Variants in CDKN2A observed in about 807,000 individuals in gnomAD.
CDKN2A encodes the protein cyclin dependent kinase inhibitor 2A.
A neutral mutation model predicts 11.1 loss-of-function variants in CDKN2A; 3 were observed. That is an observed-to-expected ratio of 0.27 (90% CI 0.12 to 0.70). The LOEUF is 0.70. Among genes scored for constraint, CDKN2A ranks in the 30% least tolerant of loss-of-function variants. The probability of loss-of-function intolerance (pLI) is 0.77; values close to 1 mark genes in which losing one functional copy is unlikely to be tolerated. For missense variants in CDKN2A, 265 were observed against 233.6 expected, an observed-to-expected ratio of 1.13 and a Z score of -0.88; for synonymous variants, 122 against 108.1, an observed-to-expected ratio of 1.13 and a Z score of -0.80.
At chr9:21,978,605 T>C (rs111478976), upstream of CDKN2A, among the ~76,000 whole-genome samples, 3 of 152,374 alleles carry the variant, frequency 2.0e-5, no homozygotes, top group African/African-American at 7.2e-5. Context: ...CACTTACTTT[T>C]CCTCTTTCCT....
At chr9:21,986,296 T>C (rs948212494) in intron 2 of CDKN2A, among the ~76,000 whole-genome samples, 3 of 152,076 alleles carry the variant, frequency 2.0e-5, no homozygotes, top group African/African-American at 7.2e-5. Context: ...AAGTAATTTA[T>C]ATGTACAGTC....
At chr9:21,975,013 G>C (rs1020242225), upstream of CDKN2A, 5 of 1,385,544 alleles carry the variant, frequency 3.6e-6, no homozygotes, top group Admixed American at 1.8e-4. Flanking sequence ...CAGGCAAGGG[G>C]ACGCCGTGAG....
intron 1 of CDKN2A, chr9:21,994,327 A>G: frequency 6.2e-7 from 1 of 1,606,434 alleles, no homozygotes; most frequent in Non-Finnish European, 8.5e-7. Context: ...GAACCTGCGC[A>G]CCATGTTCTC....
intron 2 of CDKN2A, among the ~76,000 whole-genome samples, chr9:21,979,886 G>C (rs180936855): frequency 2.0e-5 from 3 of 152,166 alleles, no homozygotes; most frequent in Non-Finnish European, 4.4e-5. Flanking sequence ...TACTACTTCA[G>C]CAACCCTACA....
At chr9:21,983,032 C>T (rs1820229668) in intron 2 of CDKN2A, among the ~76,000 whole-genome samples, 1 of 152,114 alleles carries the variant, frequency 6.6e-6, no homozygotes, top group Admixed American at 6.5e-5. Flanking sequence ...GCTTCCTTTT[C>T]TTTGAGGACT....
At chr9:21,969,152 A>G (rs1294465442) in intron 2 of CDKN2A, among the ~76,000 whole-genome samples, 2 of 152,160 alleles carry the variant, frequency 1.3e-5, no homozygotes, top group Admixed American at 1.3e-4. Flanking sequence ...TGGGACTGTA[A>G]TCCCAGTACT....
chr9:21,979,640 G>T (rs1320999910), upstream of CDKN2A, among the ~76,000 whole-genome samples: 1 of 152,194 alleles, frequency 6.6e-6, no homozygotes, highest in East Asian at 1.9e-4. Context: ...TATGAATGAG[G>T]AGGTTAGCTT....
rs1385329602 is a variant in CDKN2A, at chr9:21,968,715, C to G, written c.458-473G>C. 3.3e-6 allele frequency: 5 copies of G among 1,536,054 alleles called. No individual in the cohort carries two copies. Among genetic ancestry groups the G allele is most frequent in the African/African-American group, 1.4e-5 (1 of 73,058 alleles). Reference sequence around the variant, plus strand: ...GCTCTGGCGCTCCTCGGCGGAATCCCGTAGCTTCCCTACGCATGCCTGCTT... The same window carrying G: ...GCTCTGGCGCTCCTCGGCGGAATCCGGTAGCTTCCCTACGCATGCCTGCTT... On this transcript the variant is annotated intron_variant, in intron 2 of 2. Coordinates refer to ENST00000304494, the MANE Select transcript of CDKN2A (RefSeq NM_000077.5). This position sits in a 1 kb window ranked among gnomAD's most constrained non-coding sequence, Gnocchi z 4.7.
At position 21,991,683 on chromosome 9, in the gene CDKN2A, T is replaced by C. The variant is rs1820433783; in HGVS notation, c.-4+2199A>G. On this transcript the variant is annotated intron_variant, in intron 2 of 3. Transcript: ENST00000494262. The surrounding 1 kb of genome is among the most constrained non-coding windows in gnomAD (Gnocchi z 5.2). ...ATGAACTAACGTGGAATAATAGATC[T>C]GTAAACCATCATAGACGGTAATAGG... is the stretch of plus-strand genomic sequence containing the variant. 7.1e-6 allele frequency: 7 copies of C among 984,168 alleles called. No individual in the cohort carries two copies. The highest frequency in any genetic ancestry group is 8.4e-6 in the Non-Finnish European group (7 of 828,768). 61.0% of individuals were successfully genotyped at this position (984,168 alleles called of 1,614,324 possible).
chr9:21,973,728 C>T (rs532781281), intron 1 of CDKN2A, among the ~76,000 whole-genome samples: 40 of 152,162 alleles, frequency 2.6e-4, no homozygotes, highest in Non-Finnish European at 5.0e-4. Context: ...AAAATGTTAG[C>T]AGATATTCCC....
intron 2 of CDKN2A, chr9:21,970,570 G>A (rs1321020166): frequency 1.1e-5 from 6 of 556,260 alleles, no homozygotes; most frequent in South Asian, 2.3e-5. Context: ...GGAGGAAGAG[G>A]GGGCACTAGA....
At chr9:21,980,883 C>T (rs1456370818) in intron 2 of CDKN2A, among the ~76,000 whole-genome samples, 2 of 144,580 alleles carry the variant, frequency 1.4e-5, no homozygotes, top group African/African-American at 2.6e-5. Context: ...GGCGTGAACC[C>T]GGGGGGCGGA....
At chr9:21,980,650 G>T (rs1820149868) in intron 2 of CDKN2A, among the ~76,000 whole-genome samples, 1 of 151,948 alleles carries the variant, frequency 6.6e-6, no homozygotes, top group Non-Finnish European at 1.5e-5. Flanking sequence ...GCATGTATTG[G>T]TAACAACCAT....
rs1203807228 is a variant in CDKN2A, at chr9:21,988,438, G to A, written c.-4+5444C>T. Among the ~76,000 whole-genome samples the A allele has an allele frequency of 6.6e-6, 1 of 151,768 alleles. No individual in the cohort carries two copies. Among genetic ancestry groups the A allele is most frequent in the Non-Finnish European group, 1.5e-5 (1 of 67,966 alleles). ...TCCCTTTTATTACTTCTTTTTGATT[G>A]TAGAGTTCTGCCCAAATGAAACCAT... On this transcript the variant is annotated intron_variant, in intron 2 of 3. Transcript: ENST00000494262. The surrounding 1 kb of genome is among the most constrained non-coding windows in gnomAD (Gnocchi z 4.1).
Position 21,968,388 on chromosome 9 carries a change from C to G in CDKN2A, c.458-146G>C. 1 of 1,514,038 alleles carries G rather than the reference C, an allele frequency of 6.6e-7. No homozygotes were observed. 93.8% of individuals were successfully genotyped at this position (1,514,038 alleles called of 1,614,324 possible). On this transcript the variant is annotated intron_variant, in intron 2 of 2. Coordinates refer to ENST00000304494, the MANE Select transcript of CDKN2A (RefSeq NM_000077.5). This position sits in a 1 kb window ranked among gnomAD's most constrained non-coding sequence, Gnocchi z 4.7. Reference sequence around the variant, plus strand: ...AATGGCTTCACGTGCATGTACCCGCCGCCACCGCTCTCCCACACCTCCCTG... The same window carrying G: ...AATGGCTTCACGTGCATGTACCCGCGGCCACCGCTCTCCCACACCTCCCTG...
Position 21,971,009 on chromosome 9 carries a change from A to T in CDKN2A, c.350T>A (p.Leu117Gln). The T allele has an allele frequency of 6.2e-7, 1 of 1,608,738 alleles. No homozygotes were observed. The highest frequency in any genetic ancestry group is 1.8e-4 in the Middle Eastern group (1 of 5,508). Residue 117 changes from leucine (L) to glutamine (Q), a missense_variant, in exon 2 of 3, where the codon CTG becomes CAG. Transcript: ENST00000304494. ...RDAWGRLPVD[L>Q]AEELGHRDVA... ...ATCGCGATGGCCCAGCTCCTCAGCC[A>T]GGTCCACGGGCAGACGGCCCCAGGC...
At position 21,994,197 on chromosome 9, in the gene CDKN2A, G is replaced by T. The variant is rs766676234; in HGVS notation, c.-175-144C>A. 5 of 1,606,520 alleles carry T rather than the reference G, an allele frequency of 3.1e-6. No individual in the cohort carries two copies. The highest frequency in any genetic ancestry group is 4.2e-6 in the Non-Finnish European group (5 of 1,179,882). ...GCTGGCTCCTCAGTAGCATCAGCAC[G>T]AGGGCCACAGCGGCGGGCGCCCCTG... On this transcript the variant is annotated intron_variant, in intron 1 of 3. Coordinates refer to the CDKN2A transcript ENST00000494262.
At position 21,993,813 on chromosome 9, in the gene CDKN2A, GT is replaced by G. The variant is rs1478432342; in HGVS notation, c.-4+68del. 2,251 of 435,304 alleles carry G rather than the reference GT, an allele frequency of 5.2e-3. 19 individuals carry two copies. Among genetic ancestry groups the G allele is most frequent in the Non-Finnish European group, 7.9e-3 (1,856 of 236,326 alleles). The allele number at this position is 435,304 out of a possible 1,614,324, so 27.0% of individuals were successfully genotyped here. A position where few individuals can be genotyped will look rare whatever the true frequency, so the allele number is the denominator to read the frequency against. ...CACCTTTCCTACTGTGTGTGTGTGT[GT>G]GTGTGTGTGTGTGTGTGTGTGTGTG... On this transcript the variant is annotated intron_variant, in intron 2 of 3. Coordinates refer to the CDKN2A transcript ENST00000494262.
Position 21,991,820 on chromosome 9 carries a change from A to G in CDKN2A, c.-4+2062T>C. On this transcript the variant is annotated intron_variant, in intron 2 of 3. Coordinates refer to the CDKN2A transcript ENST00000494262. The surrounding 1 kb of genome is among the most constrained non-coding windows in gnomAD (Gnocchi z 5.2). The stretch of plus-strand genomic sequence containing the variant: ...CTGAAAGGGCTATGGTTCACTTGGA[A>G]CACAATACAAACTGTGAATCATGTA... 1 of 985,172 alleles carries G rather than the reference A, an allele frequency of 1.0e-6. No individual in the cohort carries two copies. The highest frequency in any genetic ancestry group is 4.7e-5 in the South Asian group (1 of 21,280). The allele number at this position is 985,172 out of a possible 1,614,324, so 61.0% of individuals were successfully genotyped here.
Sources: allele counts gnomAD v4.1 joint callset (sites outside exome capture counted in the v4.1 genomes callset), GRCh38; gene constraint gnomAD v4.1.1; non-coding constraint Gnocchi (gnomAD v3.1); transcripts MANE v1.5; gene names NCBI Gene and HGNC (gene_info 2026-07-23, HGNC 2026-07-21).